RIMS4: variants seen among roughly 807,000 people sequenced by gnomAD.
RIMS4 encodes the protein regulating synaptic membrane exocytosis protein 4.
Under a neutral mutation model 29.0 loss-of-function variants are expected in RIMS4, and 9 were observed. The ratio of observed to expected loss-of-function variants is 0.31; its 90% CI spans 0.19 to 0.54. The LOEUF (loss-of-function observed/expected upper bound fraction) is 0.54. Among genes scored for constraint, RIMS4 ranks in the 20% least tolerant of loss-of-function variants. RIMS4 has a pLI of 0.94. For synonymous variants in RIMS4, 130 were observed against 152.9 expected (o/e 0.85, Z 1.10); for missense variants, 193 against 365.7 (o/e 0.53, Z 3.85).
intron 1 of RIMS4, among the ~76,000 whole-genome samples, chr20:44,804,412 C>T (rs941559061): frequency 7.2e-5 from 11 of 152,106 alleles, no homozygotes; most frequent in African/African-American, 2.4e-4. Context: ...GTGGAACTGA[C>T]GAGGAATGCA....
At chr20:44,787,366 G>A (rs548790219) in intron 1 of RIMS4, among the ~76,000 whole-genome samples, 4 of 152,122 alleles carry the variant, frequency 2.6e-5, no homozygotes, top group Admixed American at 6.5e-5. Flanking sequence ...CATTGGGCAC[G>A]GGTGACAGGT....
chr20:44,800,429 T>A (rs113231338), intron 1 of RIMS4, among the ~76,000 whole-genome samples: 3,032 of 152,088 alleles, frequency 0.02, 51 homozygotes, highest in Middle Eastern at 0.1. Context: ...GGATGGGACA[T>A]GAGGATCAGA....
chr20:44,762,107 G>C (rs1368970072), intron 2 of RIMS4, among the ~76,000 whole-genome samples: 1 of 152,206 alleles, frequency 6.6e-6, no homozygotes, highest in African/African-American at 2.4e-5. Context: ...ATTCTCACAA[G>C]GAGCTTGCAA....
intron 2 of RIMS4, among the ~76,000 whole-genome samples, chr20:44,767,501 A>G (rs1481401002): frequency 6.6e-6 from 1 of 152,196 alleles, no homozygotes; most frequent in Non-Finnish European, 1.5e-5. Flanking sequence ...GGAAAGAGAG[A>G]GGGGCTCTGG....
intron 1 of RIMS4, 67 bp downstream of exon 1, chr20:44,810,108 G>A: frequency 2.0e-6 from 2 of 981,016 alleles, no homozygotes; most frequent in Non-Finnish European, 3.0e-6. Flanking sequence ...GCACGGGTCG[G>A]GGAGGGGGCT....
intron 1 of RIMS4, among the ~76,000 whole-genome samples, chr20:44,795,371 C>T (rs2066250232): frequency 6.6e-6 from 1 of 152,224 alleles, no homozygotes; most frequent in Admixed American, 6.5e-5. Context: ...CGCAGTGGCT[C>T]ACGCCTGTAA....
intron 1 of RIMS4, among the ~76,000 whole-genome samples, chr20:44,775,883 T>A (rs192936681): frequency 6.6e-6 from 1 of 152,376 alleles, no homozygotes; most frequent in East Asian, 1.9e-4. Flanking sequence ...CTCTTTTGTA[T>A]GCTTCTATGT....
intron 1 of RIMS4, 51 bp downstream of exon 1, chr20:44,810,105 TCGGGGAGGGGGCTACCGGA>T: frequency 1.3e-6 from 1 of 779,888 alleles, no homozygotes; most frequent in South Asian, 1.6e-5. Flanking sequence ...GGCGCACGGG[TCGGGGAGGGGGCTACCGGA>T]CCTGGATCCC....
intron 1 of RIMS4, among the ~76,000 whole-genome samples, chr20:44,780,722 A>G (rs978839435): frequency 2.0e-5 from 3 of 152,178 alleles, no homozygotes; most frequent in Admixed American, 6.5e-5. Context: ...TCCTGGTTCA[A>G]CGCAGGCCAG....
chr20:44,762,061 A>G (rs780342316), intron 2 of RIMS4, among the ~76,000 whole-genome samples: 5 of 152,182 alleles, frequency 3.3e-5, no homozygotes, highest in Non-Finnish European at 5.9e-5. Context: ...TTTTGGGATG[A>G]AACTGCTCCA....
intron 2 of RIMS4, among the ~76,000 whole-genome samples, chr20:44,764,204 A>ATCCG (rs1467094269): frequency 4.9e-4 from 6 of 12,290 alleles, no homozygotes; most frequent in African/African-American, 8.6e-4. Flanking sequence ...CCATCCATCC[A>ATCCG]TCCATCCACC....
chr20:44,760,747 G>A (rs886949693), intron 2 of RIMS4, among the ~76,000 whole-genome samples: 2 of 152,142 alleles, frequency 1.3e-5, no homozygotes, highest in Non-Finnish European at 2.9e-5. Context: ...ACTCTATTGT[G>A]TCCAGGCACT....
intron 1 of RIMS4, among the ~76,000 whole-genome samples, chr20:44,802,746 C>A (rs915598484): frequency 1.3e-5 from 2 of 152,322 alleles, no homozygotes; most frequent in African/African-American, 4.8e-5. Context: ...TCTTTTCCTT[C>A]TTCGGACCTC....
chr20:44,762,212 G>GT (rs1253857120), intron 2 of RIMS4, among the ~76,000 whole-genome samples: 1 of 152,208 alleles, frequency 6.6e-6, no homozygotes, highest in Non-Finnish European at 1.5e-5. Flanking sequence ...AGCTCAGGCG[G>GT]TAACGCTCGC....
At chr20:44,809,924 A>T (rs750894861) in intron 1 of RIMS4, among the ~76,000 whole-genome samples, 4 of 151,674 alleles carry the variant, frequency 2.6e-5, no homozygotes, top group Non-Finnish European at 5.9e-5. Context: ...GAGGAGGGAG[A>T]TGGGTCCTGG....
At chr20:44,783,732 T>C (rs528962121) in intron 1 of RIMS4, among the ~76,000 whole-genome samples, 1 of 152,136 alleles carries the variant, frequency 6.6e-6, no homozygotes, top group Non-Finnish European at 1.5e-5. Flanking sequence ...TCATAAAAGA[T>C]CATCTCTTCT....
chr20:44,768,293 A>G (rs1188325756), intron 2 of RIMS4, among the ~76,000 whole-genome samples: 2 of 152,184 alleles, frequency 1.3e-5, no homozygotes, highest in African/African-American at 4.8e-5. Flanking sequence ...CATCTGCTGA[A>G]ATGAAAATCC....
At chr20:44,763,388 G>C (rs2066094582) in intron 2 of RIMS4, among the ~76,000 whole-genome samples, 1 of 152,254 alleles carries the variant, frequency 6.6e-6, no homozygotes, top group Non-Finnish European at 1.5e-5. Flanking sequence ...CAAAGGGTGA[G>C]ATACCATGGC....
At chr20:44,779,489 C>T (rs1568900528) in intron 1 of RIMS4, among the ~76,000 whole-genome samples, 1 of 152,210 alleles carries the variant, frequency 6.6e-6, no homozygotes, top group Admixed American at 6.5e-5. Flanking sequence ...TACATAAAAT[C>T]ACCTAGTGTA....
Sources: gnomAD v4.1 joint callset for allele counts (sites outside exome capture counted in the v4.1 genomes callset) on GRCh38, gnomAD v4.1.1 for gene constraint, MANE v1.5 for transcripts, NCBI Gene and HGNC (gene_info 2026-07-23, HGNC 2026-07-21) for gene names.